Variants in TENM3 observed in about 807,000 individuals in gnomAD.
The protein encoded by TENM3 is teneurin-3.
Under a neutral mutation model 255.1 loss-of-function variants are expected in TENM3, and 63 were observed. The observed-to-expected ratio is 0.25, with a 90% confidence interval of 0.20 to 0.30. The LOEUF is 0.30. Ranked by LOEUF, TENM3 falls within the 10% of genes least tolerant of loss-of-function variation. The probability of loss-of-function intolerance (pLI) is 1.00; values close to 1 mark genes in which losing one functional copy is unlikely to be tolerated. For synonymous variants in TENM3, 1,306 were observed against 1,322.3 expected, an observed-to-expected ratio of 0.99 and a Z score of 0.27; for missense variants, 2,929 against 3,461.1, an observed-to-expected ratio of 0.85 and a Z score of 3.86.
At chr4:181,700,409 A>G in the TENM3 span, among the ~76,000 whole-genome samples, 3 of 152,212 alleles carry the variant, frequency 2.0e-5, no homozygotes, top group African/African-American at 7.2e-5. Context: ...TCCATCTGCT[A>G]AAATTTGTAG....
At chr4:181,933,540 C>A in the TENM3 span, among the ~76,000 whole-genome samples, 2 of 152,148 alleles carry the variant, frequency 1.3e-5, no homozygotes, top group African/African-American at 4.8e-5. Flanking sequence ...GAGACGTAAC[C>A]AAAGAGGCTT....
At chr4:181,843,423 A>G in the TENM3 span, among the ~76,000 whole-genome samples, 6 of 152,128 alleles carry the variant, frequency 3.9e-5, no homozygotes, top group Non-Finnish European at 7.3e-5. Context: ...ATATATACTA[A>G]CTTCTGTATG....
chr4:182,249,321 G>A (rs1757844521), intron 1 of TENM3, among the ~76,000 whole-genome samples: 1 of 152,204 alleles, frequency 6.6e-6, no homozygotes, highest in Non-Finnish European at 1.5e-5. Flanking sequence ...AAAATGATTA[G>A]TAAGCTTTTG....
At chr4:182,494,410 T>C (rs1735569068) in intron 3 of TENM3, among the ~76,000 whole-genome samples, 1 of 152,168 alleles carries the variant, frequency 6.6e-6, no homozygotes, top group Non-Finnish European at 1.5e-5. Context: ...CTGTTATAAT[T>C]GTTCTATTTT....
intron 3 of TENM3, among the ~76,000 whole-genome samples, chr4:182,372,956 T>C (rs191574707): frequency 1.3e-5 from 2 of 152,180 alleles, no homozygotes; most frequent in African/African-American, 4.8e-5. Flanking sequence ...CTCAGGCTGG[T>C]CTCAAACTCC....
chr4:181,588,027 G>A, the TENM3 span, among the ~76,000 whole-genome samples: 1 of 152,228 alleles, frequency 6.6e-6, no homozygotes, highest in East Asian at 1.9e-4. Context: ...GTGGAAGTGA[G>A]CCGCCATCTG....
At chr4:181,735,898 ATTTAAAGACT>A in the TENM3 span, among the ~76,000 whole-genome samples, 3 of 152,214 alleles carry the variant, frequency 2.0e-5, no homozygotes, top group Admixed American at 6.5e-5. Flanking sequence ...TATTTTTGTC[ATTTAAAGACT>A]TCCAGGAGTC....
At chr4:181,914,381 G>A in the TENM3 span, among the ~76,000 whole-genome samples, 1 of 152,118 alleles carries the variant, frequency 6.6e-6, no homozygotes, top group Non-Finnish European at 1.5e-5. Context: ...TAATCCTGCA[G>A]GCAAAATGAA....
At chr4:181,715,966 T>C in the TENM3 span, among the ~76,000 whole-genome samples, 3,552 of 152,316 alleles carry the variant, frequency 0.023, 127 homozygotes, top group African/African-American at 0.081. Context: ...CCTTTGAAAA[T>C]AACTAATGTC....
intron 1 of TENM3, among the ~76,000 whole-genome samples, chr4:182,154,933 G>T (rs1750599714): frequency 6.6e-6 from 1 of 152,124 alleles, no homozygotes; most frequent in Admixed American, 6.5e-5. Context: ...ATGAACAATT[G>T]TTTGCACAGC....
At chr4:181,816,854 T>C in the TENM3 span, among the ~76,000 whole-genome samples, 5,350 of 152,340 alleles carry the variant, frequency 0.035, 134 homozygotes, top group Non-Finnish European at 0.049. Flanking sequence ...TAGATTATTG[T>C]CATAACTTGC....
the TENM3 span, among the ~76,000 whole-genome samples, chr4:181,810,079 T>C: frequency 7.2e-5 from 11 of 151,780 alleles, no homozygotes; most frequent in Non-Finnish European, 1.0e-4. Context: ...TCGAGGTAAA[T>C]AAATCATCTT....
At chr4:181,929,141 T>A in the TENM3 span, among the ~76,000 whole-genome samples, 1 of 152,252 alleles carries the variant, frequency 6.6e-6, no homozygotes, top group Admixed American at 6.5e-5. Flanking sequence ...AATAACCAGC[T>A]AGCATCACAA....
chr4:182,482,365 A>G (rs959293937), intron 3 of TENM3, among the ~76,000 whole-genome samples: 1 of 152,136 alleles, frequency 6.6e-6, no homozygotes, highest in African/African-American at 2.4e-5. Context: ...GTATGTTCCT[A>G]TGAACATAAT....
the TENM3 span, among the ~76,000 whole-genome samples, chr4:181,503,335 C>T: frequency 6.6e-6 from 1 of 152,162 alleles, no homozygotes; most frequent in Non-Finnish European, 1.5e-5. Flanking sequence ...CACTGCACTC[C>T]AGCCTAGGCA....
chr4:182,549,839 G>T (rs1386932533), intron 3 of TENM3, among the ~76,000 whole-genome samples: 1 of 152,166 alleles, frequency 6.6e-6, no homozygotes, highest in Non-Finnish European at 1.5e-5. Flanking sequence ...AAGAAGTTTT[G>T]CAGTCGCATT....
At chr4:182,686,694 A>G (rs1756600925) in intron 11 of TENM3, among the ~76,000 whole-genome samples, 1 of 152,160 alleles carries the variant, frequency 6.6e-6, no homozygotes, top group African/African-American at 2.4e-5. Context: ...TTCCACTTCA[A>G]TTAAATTAAC....
the TENM3 span, among the ~76,000 whole-genome samples, chr4:181,717,175 C>G: frequency 4.6e-5 from 7 of 152,218 alleles, no homozygotes; most frequent in African/African-American, 1.7e-4. Flanking sequence ...ATTTCATTGT[C>G]GAGCCCCTTG....
the TENM3 span, among the ~76,000 whole-genome samples, chr4:181,753,104 G>C: frequency 6.6e-6 from 1 of 152,090 alleles, no homozygotes; most frequent in East Asian, 1.9e-4. Flanking sequence ...AAGTTTGGAA[G>C]TGTAAAAAAA....
Sources: gnomAD v4.1 joint callset for allele counts (sites outside exome capture counted in the v4.1 genomes callset) on GRCh38, gnomAD v4.1.1 for gene constraint, MANE v1.5 for transcripts, NCBI Gene and HGNC (gene_info 2026-07-23, HGNC 2026-07-21) for gene names.